Variants in ANKFY1 observed in about 807,000 individuals in gnomAD.
ANKFY1 encodes the protein ankyrin repeat and FYVE domain-containing protein 1.
ANKFY1 carries 47 observed loss-of-function variants against 128.3 expected under a neutral mutation model. That is an observed-to-expected ratio of 0.37 (90% CI 0.29 to 0.47). ANKFY1 has a LOEUF of 0.47. ANKFY1 is among the 20% of genes least tolerant of loss of function. The pLI is 1.00. For missense variants in ANKFY1, 1,222 were observed against 1,510.6 expected, an observed-to-expected ratio of 0.81 and a Z score of 3.17; for synonymous variants, 553 against 601.6, an observed-to-expected ratio of 0.92 and a Z score of 1.18.
chr17:4,212,208 T>C (rs1598085958), intron 4 of ANKFY1, among the ~76,000 whole-genome samples: 1 of 152,212 alleles, frequency 6.6e-6, no homozygotes, highest in South Asian at 2.1e-4. Context: ...TTCACGAGAT[T>C]TCCTGACATC....
At chr17:4,212,146 T>A (rs2060144643) in intron 4 of ANKFY1, among the ~76,000 whole-genome samples, 2 of 152,100 alleles carry the variant, frequency 1.3e-5, no homozygotes, top group Non-Finnish European at 2.9e-5. Flanking sequence ...CCTCCACTGC[T>A]CCCTCCAAAT....
Position 4,196,693 on chromosome 17 carries a change from T to C in ANKFY1, c.1103+680A>G, listed in dbSNP as rs574953781. ...ATTGGGTTTAATATAGAGAATTTTC[T>C]AACAATTAGAATTTTCTAACAATTA... is the stretch of plus-strand genomic sequence containing the variant. On this transcript the variant is annotated intron_variant, in intron 8 of 24. Coordinates refer to ENST00000341657, the MANE Select transcript of ANKFY1 (RefSeq NM_001330063.2). Among the ~76,000 whole-genome samples the C allele has an allele frequency of 3.0e-4, 46 of 152,330 alleles. No homozygotes were observed. In the East Asian group the frequency reaches 8.5e-3, roughly 28 times the overall value.
At chr17:4,235,930 A>G in intron 2 of ANKFY1, 40 bp from the exon 3 acceptor site, 1 of 1,433,768 alleles carries the variant, frequency 7.0e-7, no homozygotes, top group Non-Finnish European at 9.8e-7. Flanking sequence ...GAAAAATGTC[A>G]TCATAACTAG....
At chr17:4,251,616 T>TA (rs906379847) in intron 1 of ANKFY1, among the ~76,000 whole-genome samples, 3 of 145,440 alleles carry the variant, frequency 2.1e-5, no homozygotes, top group Non-Finnish European at 4.5e-5. Context: ...TAAACAAAGA[T>TA]AAACTGTTAA....
At chr17:4,236,670 G>A (rs934154489) in intron 2 of ANKFY1, among the ~76,000 whole-genome samples, 3 of 152,038 alleles carry the variant, frequency 2.0e-5, no homozygotes, top group Non-Finnish European at 4.4e-5. Context: ...ATGCTGGCAG[G>A]AATCCAAAGT....
intron 24 of ANKFY1, chr17:4,168,148 T>G (rs58927616): frequency 0.016 from 6,412 of 410,868 alleles, 390 homozygotes; most frequent in African/African-American, 0.12. Flanking sequence ...TTTTTTTTTT[T>G]TTGGAAGATC....
intron 5 of ANKFY1, among the ~76,000 whole-genome samples, chr17:4,208,510 A>T (rs928564529): frequency 6.6e-6 from 1 of 152,252 alleles, no homozygotes; most frequent in East Asian, 1.9e-4. Flanking sequence ...ATCAATTCCA[A>T]CTTCCACAAA....
At position 4,207,849 on chromosome 17, in the gene ANKFY1, C is replaced by T. The variant is rs1015617562; in HGVS notation, c.732+84G>A. The T allele has an allele frequency of 1.0e-5, 14 of 1,373,828 alleles. No homozygotes were observed. The East Asian group carries it at 2.3e-4, about 22-fold the overall frequency. The allele number at this position is 1,373,828 out of a possible 1,614,324, so 85.1% of individuals were successfully genotyped here. Reference sequence around the variant, plus strand: ...GTTAAAGACTGTGCCAGTCATGGCTCGGAAGGAAGTGAGAAGTACCACGGA... The same window carrying T: ...GTTAAAGACTGTGCCAGTCATGGCTTGGAAGGAAGTGAGAAGTACCACGGA... On this transcript the variant is annotated intron_variant, in intron 6 of 24. Coordinates refer to ENST00000341657, the MANE Select transcript of ANKFY1 (RefSeq NM_001330063.2).
chr17:4,199,265 T>A (rs182889330), intron 7 of ANKFY1, among the ~76,000 whole-genome samples: 2 of 152,324 alleles, frequency 1.3e-5, no homozygotes, highest in East Asian at 3.9e-4. Context: ...TCACGGCTCA[T>A]TGCAGACTCA....
At chr17:4,168,090 C>A in intron 24 of ANKFY1, 179 bp from the exon 25 acceptor site, 13 of 511,280 alleles carry the variant, frequency 2.5e-5, no homozygotes, top group Non-Finnish European at 4.0e-5. Flanking sequence ...TCTATGAAAA[C>A]AAAACTCTAG....
chr17:4,181,217 C>G lies in ANKFY1; in HGVS notation c.2240+37G>C, dbSNP rs753571070. On this transcript the variant is annotated intron_variant, in intron 16 of 24. Coordinates refer to ENST00000341657, the MANE Select transcript of ANKFY1 (RefSeq NM_001330063.2). The surrounding 1 kb of genome is among the most constrained non-coding windows in gnomAD (Gnocchi z 4.9). Reference sequence around the variant, plus strand: ...AAAGAGCCAGTTTGCAACAAGCTCACTAAAAAGCTGTGGAGAGATACTGGG... The same window carrying G: ...AAAGAGCCAGTTTGCAACAAGCTCAGTAAAAAGCTGTGGAGAGATACTGGG... 2.6e-6 allele frequency: 4 copies of G among 1,556,136 alleles called. No homozygotes were observed. The highest frequency in any genetic ancestry group is 3.5e-6 in the Non-Finnish European group (4 of 1,128,178).
intron 2 of ANKFY1, among the ~76,000 whole-genome samples, chr17:4,236,932 T>C (rs1389029645): frequency 2.0e-5 from 3 of 152,010 alleles, no homozygotes; most frequent in African/African-American, 4.8e-5. Flanking sequence ...GAGGTTGAGA[T>C]TGAGACCATC....
At chr17:4,192,679 A>G (rs2059740064) in intron 10 of ANKFY1, among the ~76,000 whole-genome samples, 1 of 152,216 alleles carries the variant, frequency 6.6e-6, no homozygotes, top group Non-Finnish European at 1.5e-5. Flanking sequence ...CACTGTACAC[A>G]AGACTTAAAT....
rs1177134646 is a variant in ANKFY1 at position 4,195,385 on chromosome 17, G to C, written c.1172+18C>G. On this transcript the variant is annotated intron_variant, in intron 9 of 24. Transcript: ENST00000341657. ...CCCTCACAACCGCCTTCTCACTTGT[G>C]CGTGTCTCCCTACGTACTGTTTGCA... 10 of 1,611,268 alleles carry C rather than the reference G, an allele frequency of 6.2e-6. No homozygotes were observed. Among genetic ancestry groups the C allele is most frequent in the Non-Finnish European group, 8.5e-6 (10 of 1,178,594 alleles).
intron 24 of ANKFY1, chr17:4,168,123 A>G: frequency 2.3e-6 from 1 of 435,338 alleles, no homozygotes; most frequent in Non-Finnish European, 4.1e-6. Flanking sequence ...TTAAAGCAAT[A>G]CTGAAGAAGG....
At position 4,210,427 on chromosome 17, in the gene ANKFY1, G is replaced by A. The variant is rs565253205; in HGVS notation, c.459-480C>T. 1.8e-3 allele frequency among the ~76,000 whole-genome samples: 281 copies of A among 152,242 alleles called. 1 individual carries two copies. Among genetic ancestry groups the A allele is most frequent in the African/African-American group, 6.5e-3 (270 of 41,540 alleles). The stretch of plus-strand genomic sequence containing the variant: ...TTAACACCTCCTTAAAAGCTCTCCC[G>A]GCTGGGTGCAGTGGCTCACGCCTGT... On this transcript the variant is annotated intron_variant, in intron 4 of 24. Transcript: ENST00000341657.
chr17:4,239,906 G>T (rs983439009), intron 2 of ANKFY1, among the ~76,000 whole-genome samples: 3 of 152,056 alleles, frequency 2.0e-5, no homozygotes. Context: ...AGTGGCTCAA[G>T]TCCTTCCTTC....
In ANKFY1 at chr17:4,184,786, CAAAA is replaced by C. The variant is rs758259623; in HGVS notation, c.1699+28_1699+31del. ...GGATCCTAAACTGCTGTCCCCAAGTCAAAAGGATGGACAGTATTCCCACTTACTT... is the reference window on the plus strand; with the variant it reads ...GGATCCTAAACTGCTGTCCCCAAGTCGGATGGACAGTATTCCCACTTACTT... On this transcript the variant is annotated intron_variant, in intron 12 of 24. Coordinates refer to ENST00000341657, the MANE Select transcript of ANKFY1 (RefSeq NM_001330063.2). The C allele has an allele frequency of 9.4e-6, 15 of 1,598,958 alleles. No individual in the cohort carries two copies. In the South Asian group the frequency reaches 1.7e-4, roughly 18 times the overall value.
intron 4 of ANKFY1, among the ~76,000 whole-genome samples, chr17:4,213,140 T>C (rs2060164038): frequency 1.3e-5 from 2 of 152,138 alleles, no homozygotes; most frequent in Admixed American, 1.3e-4. Flanking sequence ...TTGGAGTCAT[T>C]TCTCTGTTTA....
Sources: allele counts gnomAD v4.1 joint callset (sites outside exome capture counted in the v4.1 genomes callset), GRCh38; gene constraint gnomAD v4.1.1; non-coding constraint Gnocchi (gnomAD v3.1); transcripts MANE v1.5; gene names NCBI Gene and HGNC (gene_info 2026-07-23, HGNC 2026-07-21).